Variants in SBF2 observed in about 807,000 individuals in gnomAD.
The protein encoded by SBF2 is SET binding factor 2.
Under a neutral mutation model 225.2 loss-of-function variants are expected in SBF2, and 112 were observed. The ratio of observed to expected loss-of-function variants is 0.50; its 90% CI spans 0.43 to 0.58. The LOEUF (loss-of-function observed/expected upper bound fraction) is 0.58. SBF2 is among the 20% of genes least tolerant of loss of function. The pLI is 0.00. For synonymous variants in SBF2, 763 were observed against 773.3 expected, an observed-to-expected ratio of 0.99 and a Z score of 0.22; for missense variants, 1,996 against 2,206.2, an observed-to-expected ratio of 0.90 and a Z score of 1.91.
At chr11:10,051,521 G>A (rs1302309331) in intron 2 of SBF2, among the ~76,000 whole-genome samples, 2 of 151,990 alleles carry the variant, frequency 1.3e-5, no homozygotes, top group East Asian at 1.9e-4. Flanking sequence ...ATTAATGGTT[G>A]GCCTGGTCAG....
intron 26 of SBF2, among the ~76,000 whole-genome samples, chr11:9,833,242 AAGTTAC>A (rs1254628069): frequency 2.0e-5 from 3 of 152,202 alleles, no homozygotes; most frequent in African/African-American, 7.2e-5. Context: ...TTAGCTTATA[AAGTTAC>A]AGGATATGAT....
At chr11:9,909,981 T>C (rs1862462314) in intron 16 of SBF2, among the ~76,000 whole-genome samples, 1 of 152,124 alleles carries the variant, frequency 6.6e-6, no homozygotes, top group Non-Finnish European at 1.5e-5. Context: ...TAAAATAAAA[T>C]TGGACTCTTA....
intron 16 of SBF2, among the ~76,000 whole-genome samples, chr11:9,932,211 G>A (rs1270370066): frequency 6.6e-6 from 1 of 152,134 alleles, no homozygotes; most frequent in East Asian, 1.9e-4. Context: ...CACTCTTCAG[G>A]ATATCATCCA....
chr11:10,049,307 A>T (rs1304553596), intron 2 of SBF2, among the ~76,000 whole-genome samples: 1 of 152,222 alleles, frequency 6.6e-6, no homozygotes, highest in Non-Finnish European at 1.5e-5. Flanking sequence ...ATTTAAAAAA[A>T]AATTTTATTT....
chr11:10,214,492 A>G (rs1958056491), intron 1 of SBF2, among the ~76,000 whole-genome samples: 1 of 152,160 alleles, frequency 6.6e-6, no homozygotes, highest in East Asian at 1.9e-4. Flanking sequence ...GCGTGGTGGC[A>G]CGCGCCTGTA....
intron 2 of SBF2, among the ~76,000 whole-genome samples, chr11:10,134,477 T>C (rs1471575049): frequency 1.3e-5 from 2 of 152,048 alleles, no homozygotes; most frequent in Non-Finnish European, 2.9e-5. Flanking sequence ...CAGTCCAAAG[T>C]CTCATCAGAG....
intron 16 of SBF2, among the ~76,000 whole-genome samples, chr11:9,923,045 GCAGA>G (rs750729482): frequency 9.2e-5 from 14 of 152,164 alleles, no homozygotes; most frequent in African/African-American, 2.6e-4. Context: ...TGAATGCTGG[GCAGA>G]CAGAGTACTG....
At chr11:10,117,962 A>G (rs1953238790) in intron 2 of SBF2, among the ~76,000 whole-genome samples, 4 of 152,162 alleles carry the variant, frequency 2.6e-5, no homozygotes, top group Admixed American at 1.3e-4. Context: ...GGCAGTTTCT[A>G]TGTCATTCTG....
At chr11:10,174,039 G>GA (rs1256975331) in intron 2 of SBF2, among the ~76,000 whole-genome samples, 2 of 151,146 alleles carry the variant, frequency 1.3e-5, no homozygotes, top group African/African-American at 2.4e-5. Flanking sequence ...ACCAAAAGTA[G>GA]AAAAAACCAC....
chr11:9,866,636 T>C (rs936620041), intron 17 of SBF2, among the ~76,000 whole-genome samples: 5 of 151,950 alleles, frequency 3.3e-5, no homozygotes, highest in East Asian at 1.9e-4. Flanking sequence ...TAGAAGAAAA[T>C]ATTGGGGAAA....
At chr11:10,191,471 T>C (rs1277413883) in intron 2 of SBF2, among the ~76,000 whole-genome samples, 2 of 152,230 alleles carry the variant, frequency 1.3e-5, no homozygotes, top group African/African-American at 4.8e-5. Flanking sequence ...TATTTTGTAC[T>C]TGACAACACC....
intron 16 of SBF2, chr11:9,959,489 G>C (rs764084834): frequency 1.1e-4 from 90 of 856,112 alleles, no homozygotes; most frequent in Non-Finnish European, 1.8e-4. Flanking sequence ...GTCTCTGCAG[G>C]CTTTCGATTG....
chr11:9,971,323 A>C, intron 13 of SBF2, among the ~76,000 whole-genome samples: 1 of 152,060 alleles, frequency 6.6e-6, no homozygotes, highest in Middle Eastern at 3.4e-3. Flanking sequence ...ATTTTTCTCT[A>C]TTGTTATATT....
rs1949699813 is a variant in SBF2, at chr11:10,042,756, T to G, written c.279+88A>C. On this transcript the variant is annotated intron_variant, in intron 3 of 39. Coordinates refer to ENST00000256190, the MANE Select transcript of SBF2 (RefSeq NM_030962.4). ...TTATGCTAGCCCATAAAACTCAAAC[T>G]TGCAGTTGTAACAAAAATATGGCAT... 2.1e-6 allele frequency: 3 copies of G among 1,407,808 alleles called. No individual in the cohort carries two copies. In the South Asian group the frequency reaches 3.5e-5, roughly 16 times the overall value. The allele number at this position is 1,407,808 out of a possible 1,614,324, so 87.2% of individuals were successfully genotyped here. A position where few individuals can be genotyped will look rare whatever the true frequency, so the allele number is the denominator to read the frequency against.
chr11:10,021,969 A>G (rs1948875634), intron 6 of SBF2, among the ~76,000 whole-genome samples: 1 of 152,236 alleles, frequency 6.6e-6, no homozygotes, highest in Admixed American at 6.5e-5. Context: ...GTGAATTTAG[A>G]ACATGCAAGC....
intron 16 of SBF2, among the ~76,000 whole-genome samples, chr11:9,931,720 T>C (rs1864511767): frequency 6.6e-6 from 1 of 151,426 alleles, no homozygotes; most frequent in Non-Finnish European, 1.5e-5. Flanking sequence ...GAGCACCTCT[T>C]CTCCTCCAAA....
rs149346281 is a variant in SBF2 at position 9,882,536 on chromosome 11, T to C, written c.1929+13407A>G. Among the ~76,000 whole-genome samples the C allele has an allele frequency of 6.6e-3, 1,003 of 152,224 alleles. 8 individuals are homozygous for C. Among genetic ancestry groups the C allele is most frequent in the East Asian group, 0.011 (59 of 5,170 alleles). The stretch of plus-strand genomic sequence containing the variant: ...TTAAACATAACTTCTCGGCCGGGCA[T>C]GGTGGCTCATGTCTGTAATCCCAGC... On this transcript the variant is annotated intron_variant, in intron 17 of 39. Transcript: ENST00000256190.
chr11:10,171,352 G>C (rs1375952008), intron 2 of SBF2, among the ~76,000 whole-genome samples: 1 of 152,104 alleles, frequency 6.6e-6, no homozygotes, highest in Admixed American at 6.5e-5. Context: ...ATCATAAAGG[G>C]ATGTTGAATT....
chr11:10,278,967 C>T (rs1963189974), intron 1 of SBF2, among the ~76,000 whole-genome samples: 1 of 151,574 alleles, frequency 6.6e-6, no homozygotes, highest in Admixed American at 6.6e-5. Context: ...CAAGGCTGGG[C>T]GCAATGGCTT....
Sources: gnomAD v4.1 joint callset for allele counts (sites outside exome capture counted in the v4.1 genomes callset) on GRCh38, gnomAD v4.1.1 for gene constraint, MANE v1.5 for transcripts, NCBI Gene and HGNC (gene_info 2026-07-23, HGNC 2026-07-21) for gene names.